ZNF146: variants seen among roughly 807,000 people sequenced by gnomAD.
ZNF146 encodes zinc finger protein OZF.
Under a neutral mutation model 22.2 loss-of-function variants are expected in ZNF146, and 9 were observed. That is an observed-to-expected ratio of 0.41 (90% CI 0.24 to 0.71). The LOEUF is 0.71. ZNF146 is among the 30% of genes least tolerant of loss of function. The pLI, the probability that ZNF146 is intolerant of heterozygous loss-of-function variation, is 0.34. For synonymous variants in ZNF146, 108 were observed against 119.2 expected (o/e 0.91, Z 0.61); for missense variants, 194 against 344.8 (o/e 0.56, Z 3.46).
At chr19:36,219,271 C>T (rs1280594188) in intron 2 of ZNF146, among the ~76,000 whole-genome samples, 1 of 152,176 alleles carries the variant, frequency 6.6e-6, no homozygotes, top group Non-Finnish European at 1.5e-5. Context: ...ATCCTCCCAC[C>T]TCAGCCCCAC....
At position 36,237,141 on chromosome 19, in the gene ZNF146, A is replaced by G; in HGVS notation, c.701A>G (p.His234Arg). The change falls in exon 4 of 4, where the codon CAT becomes CGT. Residue 234 changes from histidine to arginine, a missense_variant. Transcript: ENST00000443387. ...TCTCTCACTGTGCATGTGAGAAGCC[A>G]TACAGGGGAGAAGCCCTATGGTTGT... is the stretch of plus-strand genomic sequence containing the variant. ...SSSLTVHVRSHTGEKPYGCNE... is the reference protein window; with the variant it reads ...SSSLTVHVRSRTGEKPYGCNE... 1 of 1,614,214 alleles carries G rather than the reference A, an allele frequency of 6.2e-7. No homozygotes were observed. Among genetic ancestry groups the G allele is most frequent in the East Asian group, 2.2e-5 (1 of 44,882 alleles).
intron 3 of ZNF146, among the ~76,000 whole-genome samples, chr19:36,233,203 T>C (rs541127650): frequency 6.6e-6 from 1 of 152,164 alleles, no homozygotes; most frequent in African/African-American, 2.4e-5. Context: ...GCCAACATAG[T>C]GAAATCCTGT....
At chr19:36,216,824 T>TA (rs66507127) in intron 1 of ZNF146, among the ~76,000 whole-genome samples, 95,962 of 151,388 alleles carry the variant, frequency 0.63, 30,593 homozygotes, top group Middle Eastern at 0.71. Flanking sequence ...CAACACATTT[T>TA]AAATATAAAG....
chr19:36,218,426 A>C (rs569818679), intron 2 of ZNF146, among the ~76,000 whole-genome samples: 8 of 152,180 alleles, frequency 5.3e-5, no homozygotes, highest in African/African-American at 1.9e-4. Context: ...GTCTGGTAGG[A>C]ATTTCTGAAA....
At chr19:36,224,684 G>A (rs868491008) in intron 2 of ZNF146, among the ~76,000 whole-genome samples, 22 of 152,270 alleles carry the variant, frequency 1.4e-4, no homozygotes, top group African/African-American at 4.8e-4. Flanking sequence ...TCGTTCCAGA[G>A]GGGGAAAAGG....
In ZNF146 at chr19:36,236,199, G is replaced by A. The variant is rs537752664; in HGVS notation, c.-242G>A. ...AAATTCATGCTGGAGAGAAACTAGT[G>A]AAGGTAGCAATACTTCATTGAATAT... On this transcript the variant is annotated 5_prime_UTR_variant, in exon 4 of 4. Coordinates refer to ENST00000443387, the MANE Select transcript of ZNF146 (RefSeq NM_007145.3). The A allele has an allele frequency of 3.0e-5, 13 of 428,062 alleles. No individual in the cohort carries two copies. In the South Asian group the frequency reaches 5.7e-4, roughly 19 times the overall value. 26.5% of individuals were successfully genotyped at this position (428,062 alleles called of 1,614,324 possible). A position where few individuals can be genotyped will look rare whatever the true frequency, so the allele number is the denominator to read the frequency against.
rs767787488 is a variant in ZNF146 at position 36,237,531 on chromosome 19, GAT to G, written c.*214_*215del. ...GTCCAACAGAGAAACCTGCAGCAGA[GAT>G]AATGGTGAAAGTTTAGGCACATTTT... On this transcript the variant is annotated 3_prime_UTR_variant, in exon 4 of 4. Coordinates refer to ENST00000443387, the MANE Select transcript of ZNF146 (RefSeq NM_007145.3). 6 of 455,448 alleles carry G rather than the reference GAT, an allele frequency of 1.3e-5. No homozygotes were observed. In the South Asian group the frequency reaches 3.9e-4, roughly 29 times the overall value. 28.2% of individuals were successfully genotyped at this position (455,448 alleles called of 1,614,324 possible). A position where few individuals can be genotyped will look rare whatever the true frequency, so the allele number is the denominator to read the frequency against.
At chr19:36,216,478 T>TAA (rs909051358) in intron 1 of ZNF146, among the ~76,000 whole-genome samples, 2 of 150,652 alleles carry the variant, frequency 1.3e-5, no homozygotes, top group African/African-American at 4.9e-5. Context: ...CTGTCTCTAC[T>TAA]AAAAAAAAAT....
intron 2 of ZNF146, among the ~76,000 whole-genome samples, chr19:36,228,174 A>AG (rs1555742406): frequency 9.7e-5 from 14 of 144,306 alleles, no homozygotes; most frequent in Non-Finnish European, 1.5e-4. Context: ...AAAAAAAAAA[A>AG]AAAGAAAGAA....
Position 36,215,423 on chromosome 19 carries a change from G to T in ZNF146, c.-929+227G>T, listed in dbSNP as rs554010164. Among the ~76,000 whole-genome samples the T allele has an allele frequency of 2.0e-5, 3 of 152,190 alleles. No homozygotes were observed. In the South Asian group the frequency reaches 6.2e-4, roughly 32 times the overall value. On this transcript the variant is annotated intron_variant, in intron 1 of 3. Transcript: ENST00000443387. ...TTGAGTGAATGTGAAACTGGGTGCG[G>T]GATTGTGTGTGATTGTGCCTAAGAG...
At chr19:36,229,461 C>G (rs1227993954) in intron 3 of ZNF146, among the ~76,000 whole-genome samples, 1 of 152,188 alleles carries the variant, frequency 6.6e-6, no homozygotes, top group Non-Finnish European at 1.5e-5. Context: ...CCTCCTGCCT[C>G]AGACTCCCGA....
chr19:36,221,550 A>T (rs1365085427), intron 2 of ZNF146, among the ~76,000 whole-genome samples: 1 of 152,082 alleles, frequency 6.6e-6, no homozygotes, highest in Admixed American at 6.6e-5. Context: ...AGCCTCCCAA[A>T]GTACTGGGAT....
intron 2 of ZNF146, among the ~76,000 whole-genome samples, chr19:36,221,664 A>G (rs908348890): frequency 1.6e-4 from 24 of 152,172 alleles, no homozygotes; most frequent in South Asian, 2.1e-4. Flanking sequence ...ACAAAGATCT[A>G]TCTCACAGAG....
intron 1 of ZNF146, among the ~76,000 whole-genome samples, chr19:36,215,655 G>A (rs144243270): frequency 3.6e-4 from 54 of 152,100 alleles, no homozygotes; most frequent in African/African-American, 1.2e-3. Flanking sequence ...GCAAATCACC[G>A]TGACTTTTTT....
rs554740498 is a variant in ZNF146, at chr19:36,217,659, C to T, written c.-928-463C>T. Among the ~76,000 whole-genome samples the T allele has an allele frequency of 6.6e-5, 10 of 151,984 alleles. No homozygotes were observed. In the South Asian group the frequency reaches 8.3e-4, roughly 13 times the overall value. On this transcript the variant is annotated intron_variant, in intron 1 of 3. Transcript: ENST00000443387. Reference sequence around the variant, plus strand: ...CAGCACTTTGGGAGGCCAACGCAGGCGGATCACCTGAGGTCAGGAGTTTGA... The same window carrying T: ...CAGCACTTTGGGAGGCCAACGCAGGTGGATCACCTGAGGTCAGGAGTTTGA...
intron 3 of ZNF146, among the ~76,000 whole-genome samples, chr19:36,229,194 C>G (rs1475275454): frequency 5.9e-5 from 9 of 152,218 alleles, no homozygotes; most frequent in Admixed American, 2.0e-4. Flanking sequence ...ACTACCTTCT[C>G]TCATCCTTTC....
At chr19:36,226,590 G>T (rs1369203247) in intron 2 of ZNF146, among the ~76,000 whole-genome samples, 2 of 151,596 alleles carry the variant, frequency 1.3e-5, no homozygotes, top group African/African-American at 2.4e-5. Flanking sequence ...TTTCCTGAAC[G>T]ATTTGAAACC....
At chr19:36,223,383 G>A (rs1050210380) in intron 2 of ZNF146, among the ~76,000 whole-genome samples, 1 of 151,152 alleles carries the variant, frequency 6.6e-6, no homozygotes, top group African/African-American at 2.4e-5. Flanking sequence ...TTCTTTTTGA[G>A]ATGGAGTATC....
At chr19:36,232,892 A>G (rs1977449314) in intron 3 of ZNF146, among the ~76,000 whole-genome samples, 1 of 151,852 alleles carries the variant, frequency 6.6e-6, no homozygotes, top group African/African-American at 2.4e-5. Context: ...CCATTCAATT[A>G]TTTTTTCATA....
Sources: gnomAD v4.1 joint callset for allele counts (sites outside exome capture counted in the v4.1 genomes callset) on GRCh38, gnomAD v4.1.1 for gene constraint, MANE v1.5 for transcripts, NCBI Gene and HGNC (gene_info 2026-07-23, HGNC 2026-07-21) for gene names.